DENND1A: variants seen among roughly 807,000 people sequenced by gnomAD.
The protein encoded by DENND1A is DENN domain containing 1A, also known as DENN domain-containing protein 1A.
Under a neutral mutation model 113.7 loss-of-function variants are expected in DENND1A, and 51 were observed. The ratio of observed to expected loss-of-function variants is 0.45; its 90% CI spans 0.36 to 0.57. DENND1A has a LOEUF of 0.57. Among genes scored for constraint, DENND1A ranks in the 20% least tolerant of loss-of-function variants. The pLI, the probability that DENND1A is intolerant of heterozygous loss-of-function variation, is 0.00. For missense variants in DENND1A, 1,258 were observed against 1,395.9 expected, an observed-to-expected ratio of 0.90 and a Z score of 1.57; for synonymous variants, 565 against 570.8, an observed-to-expected ratio of 0.99 and a Z score of 0.14.
chr9:123,515,740 A>C (rs1232708995), intron 13 of DENND1A, among the ~76,000 whole-genome samples: 1 of 152,056 alleles, frequency 6.6e-6, no homozygotes, highest in Non-Finnish European at 1.5e-5. Context: ...ATATTCCAGC[A>C]AAAAAAGTGA....
At chr9:123,711,494 T>TATATATGTATATAA (rs2066596849) in intron 5 of DENND1A, among the ~76,000 whole-genome samples, 1 of 93,502 alleles carries the variant, frequency 1.1e-5, no homozygotes, top group African/African-American at 4.6e-5. Flanking sequence ...AAAATATATA[T>TATATATGTATATAA]ATATATATAT....
intron 4 of DENND1A, among the ~76,000 whole-genome samples, chr9:123,766,214 T>C (rs1316631721): frequency 6.6e-6 from 1 of 152,206 alleles, no homozygotes; most frequent in African/African-American, 2.4e-5. Context: ...CTTGCTGTCC[T>C]GGCAGACTCA....
intron 11 of DENND1A, among the ~76,000 whole-genome samples, chr9:123,599,212 CAT>C (rs1434975943): frequency 2.0e-5 from 3 of 152,198 alleles, no homozygotes; most frequent in Non-Finnish European, 4.4e-5. Flanking sequence ...GCCTAAACGG[CAT>C]ATCTCTTAAG....
chr9:123,894,987 C>T (rs1167449840), intron 1 of DENND1A, among the ~76,000 whole-genome samples: 6 of 151,592 alleles, frequency 4.0e-5, no homozygotes, highest in African/African-American at 1.5e-4. Flanking sequence ...GGTATGAATG[C>T]TCATGCAGAG....
intron 2 of DENND1A, among the ~76,000 whole-genome samples, chr9:123,798,725 CAAAAA>C (rs59256751): frequency 1.4e-5 from 1 of 70,032 alleles, no homozygotes; most frequent in African/African-American, 4.2e-5. Context: ...GTGCTGGAGG[CAAAAA>C]AAAAAAAAAA....
Position 123,828,614 on chromosome 9 carries a change from T to G in DENND1A, c.89-35984A>C, listed in dbSNP as rs528321596. 1.6e-4 allele frequency among the ~76,000 whole-genome samples: 20 copies of G among 121,238 alleles called. No homozygotes were observed. In the South Asian group the frequency reaches 1.8e-3, roughly 11 times the overall value. The allele number at this position is 121,238 out of a possible 152,430, so 79.5% of individuals were successfully genotyped here. On this transcript the variant is annotated intron_variant, in intron 2 of 23. Transcript: ENST00000394215. Reference sequence around the variant, plus strand: ...TAGTGCAACTGCTAAAAATTAAAAATGAAAAGGAAAAACTTAAAAGTAGCC... The same window carrying G: ...TAGTGCAACTGCTAAAAATTAAAAAGGAAAAGGAAAAACTTAAAAGTAGCC...
chr9:123,732,408 C>G (rs2068242756), intron 5 of DENND1A, among the ~76,000 whole-genome samples: 1 of 152,198 alleles, frequency 6.6e-6, no homozygotes, highest in Non-Finnish European at 1.5e-5. Flanking sequence ...ATCTCAAATG[C>G]ATTTTACTAT....
At chr9:123,799,253 C>G (rs1240063635) in intron 2 of DENND1A, among the ~76,000 whole-genome samples, 1 of 152,144 alleles carries the variant, frequency 6.6e-6, no homozygotes, top group Non-Finnish European at 1.5e-5. Context: ...TTTTACCTTC[C>G]TGACAAAGCT....
At chr9:123,560,176 G>T (rs2057661479) in intron 12 of DENND1A, among the ~76,000 whole-genome samples, 1 of 152,192 alleles carries the variant, frequency 6.6e-6, no homozygotes, top group Non-Finnish European at 1.5e-5. Context: ...TTTGTGTGGA[G>T]ACAATGGAAA....
chr9:123,600,251 A>G (rs755862568), intron 11 of DENND1A, among the ~76,000 whole-genome samples: 1 of 152,218 alleles, frequency 6.6e-6, no homozygotes, highest in Admixed American at 6.5e-5. Flanking sequence ...AAGGATATCA[A>G]TTCTACACCT....
chr9:123,621,388 T>C (rs1378853576), intron 10 of DENND1A, among the ~76,000 whole-genome samples: 1 of 152,132 alleles, frequency 6.6e-6, no homozygotes, highest in African/African-American at 2.4e-5. Flanking sequence ...GGTTTCACTA[T>C]GTTGCCCAGG....
At chr9:123,504,031 T>G (rs886456251) in intron 13 of DENND1A, among the ~76,000 whole-genome samples, 3 of 152,230 alleles carry the variant, frequency 2.0e-5, no homozygotes, top group African/African-American at 7.2e-5. Flanking sequence ...TGAAAGGAAC[T>G]TCTATGATTC....
At chr9:123,684,793 T>C (rs2064703190) in intron 5 of DENND1A, among the ~76,000 whole-genome samples, 1 of 152,232 alleles carries the variant, frequency 6.6e-6, no homozygotes. Context: ...CACCAGTATA[T>C]GCCTGGCCCT....
chr9:123,409,130 G>C (rs1313492278), intron 20 of DENND1A, among the ~76,000 whole-genome samples: 2 of 152,138 alleles, frequency 1.3e-5, no homozygotes, highest in East Asian at 3.9e-4. Flanking sequence ...GGACAAATGA[G>C]ACAATAATTA....
chr9:123,795,149 T>C (rs1833575678), intron 2 of DENND1A, among the ~76,000 whole-genome samples: 1 of 152,156 alleles, frequency 6.6e-6, no homozygotes, highest in Non-Finnish European at 1.5e-5. Flanking sequence ...CAAAGCAATA[T>C]AATACATTTT....
At chr9:123,583,390 C>T in intron 11 of DENND1A, 120 bp from the exon 12 acceptor site, 1 of 661,426 alleles carries the variant, frequency 1.5e-6, no homozygotes, top group Non-Finnish European at 2.6e-6. Flanking sequence ...AAGTCTTACT[C>T]TGCAGCAGGC....
intron 11 of DENND1A, among the ~76,000 whole-genome samples, chr9:123,583,574 T>C (rs867287624): frequency 1.3e-4 from 20 of 152,290 alleles, no homozygotes; most frequent in East Asian, 9.6e-4. Context: ...TCATCATTTT[T>C]CCCCTATATA....
chr9:123,551,610 C>G (rs1355299883), intron 13 of DENND1A, among the ~76,000 whole-genome samples: 1 of 152,146 alleles, frequency 6.6e-6, no homozygotes, highest in Non-Finnish European at 1.5e-5. Context: ...TTACTGAGAG[C>G]ACGGATGGGA....
chr9:123,676,352 A>G (rs1003534288), intron 6 of DENND1A, among the ~76,000 whole-genome samples: 2 of 152,222 alleles, frequency 1.3e-5, no homozygotes, highest in African/African-American at 4.8e-5. Flanking sequence ...GCATGACATG[A>G]GCAATTCAGA....
Sources: gnomAD v4.1 joint callset for allele counts (sites outside exome capture counted in the v4.1 genomes callset) on GRCh38, gnomAD v4.1.1 for gene constraint, MANE v1.5 for transcripts, NCBI Gene and HGNC (gene_info 2026-07-23, HGNC 2026-07-21) for gene names.